The following TRPC4 variants were observed in gnomAD, a reference collection of about 807,000 sequenced individuals.
The protein encoded by TRPC4 is short transient receptor potential channel 4.
TRPC4 carries 49 observed loss-of-function variants against 99.4 expected under a neutral mutation model. The ratio of observed to expected loss-of-function variants is 0.49; its 90% confidence interval spans 0.39 to 0.63. The LOEUF (loss-of-function observed/expected upper bound fraction) is 0.63, where lower values mean the gene tolerates loss of function less well. TRPC4 is among the 20% of genes least tolerant of loss of function. The probability of loss-of-function intolerance (pLI) is 0.00; values close to 1 mark genes in which losing one functional copy is unlikely to be tolerated. For missense variants in TRPC4, 898 were observed against 1,152.9 expected (o/e 0.78, Z 3.20); for synonymous variants, 454 against 425.9 (o/e 1.07, Z -0.81).
chr13:37,685,549 T>C (rs957574675), intron 4 of TRPC4, among the ~76,000 whole-genome samples: 2 of 152,160 alleles, frequency 1.3e-5, no homozygotes, highest in Non-Finnish European at 2.9e-5. Context: ...CTATTATTAC[T>C]ACGATTACTA....
chr13:37,682,922 CTTTT>C (rs35740848), intron 4 of TRPC4, among the ~76,000 whole-genome samples: 8 of 109,314 alleles, frequency 7.3e-5, no homozygotes, highest in East Asian at 3.0e-4. Context: ...GCCCAGCTAT[CTTTT>C]TTTTTTTTTT....
At chr13:37,676,729 T>C (rs1953068245) in intron 4 of TRPC4, among the ~76,000 whole-genome samples, 1 of 152,058 alleles carries the variant, frequency 6.6e-6, no homozygotes, top group African/African-American at 2.4e-5. Flanking sequence ...CAGGATTCTA[T>C]ATACAACACA....
At chr13:37,751,760 T>C (rs568775160) in intron 2 of TRPC4, among the ~76,000 whole-genome samples, 4 of 152,068 alleles carry the variant, frequency 2.6e-5, no homozygotes, top group South Asian at 4.1e-4. Context: ...AAAATGAAGA[T>C]AAAGCAATTC....
chr13:37,666,213 C>T (rs1952642209), intron 5 of TRPC4, among the ~76,000 whole-genome samples: 1 of 152,098 alleles, frequency 6.6e-6, no homozygotes, highest in Admixed American at 6.6e-5. Flanking sequence ...CTTTTCTTCT[C>T]CAGGGGAAAG....
intron 4 of TRPC4, among the ~76,000 whole-genome samples, chr13:37,687,084 C>A (rs1210856414): frequency 2.6e-5 from 4 of 152,060 alleles, no homozygotes; most frequent in Non-Finnish European, 5.9e-5. Context: ...CCTGTCTCAG[C>A]CTCCCGAGTA....
chr13:37,681,770 A>G (rs1953248058), intron 4 of TRPC4, among the ~76,000 whole-genome samples: 2 of 152,176 alleles, frequency 1.3e-5, no homozygotes, highest in South Asian at 4.1e-4. Flanking sequence ...AACATTTCGA[A>G]ATTGCTCTTT....
intron 1 of TRPC4, among the ~76,000 whole-genome samples, chr13:37,853,725 A>C (rs1959113572): frequency 6.6e-6 from 1 of 152,004 alleles, no homozygotes; most frequent in African/African-American, 2.4e-5. Context: ...TTTAACAAAG[A>C]GATTAAAATA....
chr13:37,769,038 T>C (rs1956471819), intron 2 of TRPC4, among the ~76,000 whole-genome samples: 1 of 151,498 alleles, frequency 6.6e-6, no homozygotes, highest in Admixed American at 6.6e-5. Flanking sequence ...AAGTGACCTA[T>C]AAAAGATGCA....
At chr13:37,713,805 TA>T (rs1439541896) in intron 3 of TRPC4, among the ~76,000 whole-genome samples, 3 of 152,214 alleles carry the variant, frequency 2.0e-5, no homozygotes, top group African/African-American at 7.2e-5. Flanking sequence ...TAAGGATTAA[TA>T]AATCAATGTT....
intron 3 of TRPC4, among the ~76,000 whole-genome samples, chr13:37,694,373 T>G (rs1953840730): frequency 6.6e-6 from 1 of 152,156 alleles, no homozygotes; most frequent in African/African-American, 2.4e-5. Flanking sequence ...AAGAAAGTTA[T>G]GTACTTTGTT....
At chr13:37,658,740 T>C (rs930048760) in intron 6 of TRPC4, among the ~76,000 whole-genome samples, 2 of 152,164 alleles carry the variant, frequency 1.3e-5, no homozygotes, top group Admixed American at 1.3e-4. Context: ...AAATATTTTG[T>C]GTTTTTTGGT....
chr13:37,859,711 A>G (rs372525967), intron 1 of TRPC4, among the ~76,000 whole-genome samples: 1 of 151,610 alleles, frequency 6.6e-6, no homozygotes, highest in East Asian at 1.9e-4. Flanking sequence ...CATAGTCAAC[A>G]TACAATGAAA....
At chr13:37,859,540 G>A in intron 1 of TRPC4, among the ~76,000 whole-genome samples, 1 of 151,462 alleles carries the variant, frequency 6.6e-6, no homozygotes, top group Non-Finnish European at 1.5e-5. Flanking sequence ...ACTCACAGCT[G>A]ACTTTTCAAC....
At chr13:37,672,669 T>C (rs184646274) in intron 5 of TRPC4, among the ~76,000 whole-genome samples, 23 of 152,304 alleles carry the variant, frequency 1.5e-4, no homozygotes, top group Admixed American at 1.4e-3. Context: ...CATCTAAGAA[T>C]CATGACAGAA....
intron 1 of TRPC4, among the ~76,000 whole-genome samples, chr13:37,834,565 C>T (rs113600894): frequency 0.024 from 3,617 of 152,282 alleles, 76 homozygotes; most frequent in African/African-American, 0.054. Context: ...TAAATTCTGA[C>T]ATGCAAGAAT....
chr13:37,676,459 G>T (rs1349678282), intron 4 of TRPC4, among the ~76,000 whole-genome samples: 2 of 150,728 alleles, frequency 1.3e-5, no homozygotes, highest in Non-Finnish European at 1.5e-5. Flanking sequence ...TACAATCTCC[G>T]CCTCCTGGGT....
chr13:37,754,282 C>T (rs922853225), intron 2 of TRPC4, among the ~76,000 whole-genome samples: 5 of 152,082 alleles, frequency 3.3e-5, no homozygotes, highest in Non-Finnish European at 7.4e-5. Context: ...TCCATTGTTA[C>T]AAGTGAAGAG....
intron 1 of TRPC4, among the ~76,000 whole-genome samples, chr13:37,826,818 CTGCCT>C (rs1257839578): frequency 2.0e-5 from 3 of 152,104 alleles, no homozygotes; most frequent in Non-Finnish European, 4.4e-5. Flanking sequence ...GAATGTTGCC[CTGCCT>C]TGCTAGATTG....
At chr13:37,825,081 T>C (rs947690377) in intron 1 of TRPC4, among the ~76,000 whole-genome samples, 1 of 151,418 alleles carries the variant, frequency 6.6e-6, no homozygotes, top group African/African-American at 2.4e-5. Flanking sequence ...TAGTATTCTC[T>C]GATGGTAGTT....
Sources: allele counts gnomAD v4.1 joint callset (sites outside exome capture counted in the v4.1 genomes callset), GRCh38; gene constraint gnomAD v4.1.1; transcripts MANE v1.5; gene names NCBI Gene and HGNC (gene_info 2026-07-23, HGNC 2026-07-21).